Variants in SNTG1 observed in about 807,000 individuals in gnomAD.
SNTG1 encodes the protein gamma-1-syntrophin.
In SNTG1, 39 loss-of-function variants were observed where a neutral mutation model predicts 74.7. That is an observed-to-expected ratio of 0.52 (90% CI 0.40 to 0.68). The LOEUF (loss-of-function observed/expected upper bound fraction) is 0.68. SNTG1 is among the 30% of genes least tolerant of loss of function. SNTG1 has a pLI of 0.00. For missense variants in SNTG1, 685 were observed against 609.5 expected (o/e 1.12, Z -1.30); for synonymous variants, 254 against 217.1 (o/e 1.17, Z -1.49).
chr8:50,364,541 G>A (rs1385707502), intron 2 of SNTG1, among the ~76,000 whole-genome samples: 4 of 151,862 alleles, frequency 2.6e-5, no homozygotes, highest in Non-Finnish European at 5.9e-5. Context: ...TTTTTCTTTA[G>A]GATTCTATAT....
At chr8:50,253,404 C>A (rs1586851026) in intron 2 of SNTG1, among the ~76,000 whole-genome samples, 1 of 147,676 alleles carries the variant, frequency 6.8e-6, no homozygotes, top group East Asian at 2.0e-4. Flanking sequence ...GCCTGTGCAA[C>A]AAGAGTAAAA....
At chr8:49,974,000 G>A (rs1048689272) in intron 1 of SNTG1, among the ~76,000 whole-genome samples, 1 of 152,128 alleles carries the variant, frequency 6.6e-6, no homozygotes, top group Non-Finnish European at 1.5e-5. Flanking sequence ...TATGTCGTTA[G>A]AATGTTAGGC....
chr8:50,729,317 A>G (rs560025716), intron 17 of SNTG1, among the ~76,000 whole-genome samples: 3 of 152,190 alleles, frequency 2.0e-5, no homozygotes, highest in Non-Finnish European at 4.4e-5. Context: ...GATACATGGG[A>G]TACATGTAAG....
At chr8:50,715,553 A>G (rs1585623854) in intron 17 of SNTG1, among the ~76,000 whole-genome samples, 2 of 152,322 alleles carry the variant, frequency 1.3e-5, no homozygotes, top group South Asian at 4.1e-4. Context: ...AAAAGGAAAC[A>G]GTCGTAAGAA....
intron 4 of SNTG1, among the ~76,000 whole-genome samples, chr8:50,409,153 G>GA (rs1460512382): frequency 6.6e-6 from 1 of 152,114 alleles, no homozygotes; most frequent in Admixed American, 6.5e-5. Context: ...AGGTGACGCA[G>GA]AGAAAAAACA....
intron 2 of SNTG1, among the ~76,000 whole-genome samples, chr8:50,297,708 A>G (rs2089452200): frequency 6.6e-6 from 1 of 152,056 alleles, no homozygotes; most frequent in Admixed American, 6.6e-5. Context: ...ATGGCATGCA[A>G]CCTAAAACCT....
At chr8:50,002,404 C>T (rs2130462272) in intron 1 of SNTG1, among the ~76,000 whole-genome samples, 1 of 152,134 alleles carries the variant, frequency 6.6e-6, no homozygotes, top group East Asian at 1.9e-4. Context: ...ATTTCAAAAA[C>T]TCAATATTGC....
intron 17 of SNTG1, among the ~76,000 whole-genome samples, chr8:50,735,308 T>G (rs965389910): frequency 7.9e-5 from 12 of 151,582 alleles, no homozygotes; most frequent in African/African-American, 2.9e-4. Flanking sequence ...AAACTAATAT[T>G]AGACAAAAAC....
At chr8:50,425,245 T>TCAGCAGGAGGTGACTGCTGCTGGTCACA (rs2131486505) in intron 4 of SNTG1, among the ~76,000 whole-genome samples, 1 of 14,814 alleles carries the variant, frequency 6.8e-5, no homozygotes, top group East Asian at 2.7e-3. Flanking sequence ...CTGGTACCAG[T>TCAGCAGGAGGTGACTGCTGCTGGTCACA]CAGCAGGAGG....
intron 8 of SNTG1, among the ~76,000 whole-genome samples, chr8:50,493,641 A>G (rs960849417): frequency 2.8e-4 from 42 of 151,954 alleles, no homozygotes; most frequent in Admixed American, 6.6e-4. Context: ...CAAATTATAC[A>G]GAGTTTAAGA....
chr8:50,472,131 T>C (rs1375198169), intron 8 of SNTG1, among the ~76,000 whole-genome samples: 1 of 152,166 alleles, frequency 6.6e-6, no homozygotes, highest in Non-Finnish European at 1.5e-5. Context: ...CATTGTAATT[T>C]ACAGAGTTGG....
intron 2 of SNTG1, among the ~76,000 whole-genome samples, chr8:50,176,088 T>G (rs7824938): frequency 0.3 from 44,857 of 151,890 alleles, 6,727 homozygotes; most frequent in South Asian, 0.43. Flanking sequence ...AACAAGAGTA[T>G]TATAATAAAA....
intron 13 of SNTG1, among the ~76,000 whole-genome samples, chr8:50,593,463 A>G (rs1200836570): frequency 1.3e-5 from 2 of 152,160 alleles, no homozygotes; most frequent in Non-Finnish European, 2.9e-5. Flanking sequence ...AAAGAAATCA[A>G]AATCATAAGA....
At chr8:50,696,572 C>T (rs747085591) in intron 15 of SNTG1, among the ~76,000 whole-genome samples, 27 of 151,936 alleles carry the variant, frequency 1.8e-4, no homozygotes, top group South Asian at 8.3e-4. Flanking sequence ...TTAATAGTTT[C>T]GAATCTTATG....
At chr8:50,041,124 G>A (rs910468730) in intron 1 of SNTG1, among the ~76,000 whole-genome samples, 12 of 152,090 alleles carry the variant, frequency 7.9e-5, no homozygotes, top group Admixed American at 2.6e-4. Context: ...TCGAGCTCCC[G>A]ACCTCAGATG....
At chr8:50,306,904 CT>C (rs372812263) in intron 2 of SNTG1, among the ~76,000 whole-genome samples, 463 of 150,594 alleles carry the variant, frequency 3.1e-3, no homozygotes, top group Non-Finnish European at 5.1e-3. Flanking sequence ...ATCACATTTA[CT>C]TTTTTTTTGT....
chr8:50,370,938 A>T (rs1360077774), intron 2 of SNTG1, among the ~76,000 whole-genome samples: 1 of 152,176 alleles, frequency 6.6e-6, no homozygotes, highest in Non-Finnish European at 1.5e-5. Flanking sequence ...CCCTAAGCTG[A>T]GATTCTATTA....
At chr8:50,670,336 C>T (rs909101172) in intron 15 of SNTG1, among the ~76,000 whole-genome samples, 4 of 152,096 alleles carry the variant, frequency 2.6e-5, no homozygotes, top group East Asian at 1.9e-4. Context: ...TAAGCAACTT[C>T]AGCAAAGTCT....
intron 5 of SNTG1, among the ~76,000 whole-genome samples, chr8:50,440,631 T>C (rs1337152032): frequency 6.6e-6 from 1 of 152,216 alleles, no homozygotes; most frequent in African/African-American, 2.4e-5. Context: ...GAGCCACTAA[T>C]AAAAGTATGC....
Sources: gnomAD v4.1 joint callset for allele counts (sites outside exome capture counted in the v4.1 genomes callset) on GRCh38, gnomAD v4.1.1 for gene constraint, MANE v1.5 for transcripts, NCBI Gene and HGNC (gene_info 2026-07-23, HGNC 2026-07-21) for gene names.